The following IGSF10 variants were observed in gnomAD, a reference collection of about 807,000 sequenced individuals.
IGSF10 encodes calvaria mechanical force protein 608.
IGSF10 carries 126 observed loss-of-function variants against 128.2 expected under a neutral mutation model. The observed-to-expected ratio is 0.98, with a 90% CI of 0.85 to 1.14. The LOEUF (loss-of-function observed/expected upper bound fraction) is 1.14. IGSF10 is among the 50% of genes most tolerant of loss of function. The pLI, the probability that IGSF10 is intolerant of heterozygous loss-of-function variation, is 0.00. For synonymous variants in IGSF10, 1,185 were observed against 1,146.2 expected, an observed-to-expected ratio of 1.03 and a Z score of -0.68; for missense variants, 3,295 against 3,149.8, an observed-to-expected ratio of 1.05 and a Z score of -1.10.
the IGSF10 span, among the ~76,000 whole-genome samples, chr3:151,466,268 G>A: frequency 1.3e-4 from 20 of 152,158 alleles, no homozygotes; most frequent in South Asian, 3.3e-3. Context: ...AGCCCATTGT[G>A]CTCACTGTTC....
chr3:151,606,252 C>A, the IGSF10 span, among the ~76,000 whole-genome samples: 2,658 of 152,208 alleles, frequency 0.017, 27 homozygotes, highest in Non-Finnish European at 0.028. Context: ...ATTAATGTTT[C>A]TGGAATGTAG....
the IGSF10 span, among the ~76,000 whole-genome samples, chr3:151,560,181 G>A: frequency 6.6e-6 from 1 of 152,048 alleles, no homozygotes; most frequent in Non-Finnish European, 1.5e-5. Context: ...TTGCCCTTTT[G>A]TAAAGAAAAT....
intron 5 of IGSF10, among the ~76,000 whole-genome samples, chr3:151,450,622 C>T (rs935666046): frequency 6.6e-6 from 1 of 152,036 alleles, no homozygotes; most frequent in African/African-American, 2.4e-5. Flanking sequence ...CCTGGCTGGC[C>T]GCAATCGCTC....
chr3:151,507,324 A>G, the IGSF10 span, among the ~76,000 whole-genome samples: 1 of 152,122 alleles, frequency 6.6e-6, no homozygotes, highest in Non-Finnish European at 1.5e-5. Flanking sequence ...TTACTGGGGG[A>G]AGACATTAAG....
chr3:151,469,975 C>T, the IGSF10 span, among the ~76,000 whole-genome samples: 1 of 152,184 alleles, frequency 6.6e-6, no homozygotes, highest in Non-Finnish European at 1.5e-5. Context: ...CAAGTGTTCA[C>T]AATAATAGAT....
In IGSF10 at chr3:151,447,134, AT is replaced by A. The variant is rs768423565; in HGVS notation, c.2846del (p.Asn949IlefsTer10). 3.7e-6 allele frequency: 6 copies of A among 1,614,138 alleles called. No homozygotes were observed. The highest frequency in any genetic ancestry group is 5.1e-6 in the Non-Finnish European group (6 of 1,180,012). ...CAGATGTCTGATGACTATTTGTGGTATTTACTGACTCTAATAATAGTTTGTT... is the reference window on the plus strand; with the variant it reads ...CAGATGTCTGATGACTATTTGTGGTATTACTGACTCTAATAATAGTTTGTT... ...TTNKLLLESVNTTNSHQTSVR... is the reference protein window; with the variant it reads ...TTNKLLLESVXTTNSHQTSVR... On this transcript the variant is annotated frameshift_variant, in exon 6 of 8. Transcript: ENST00000282466. LOFTEE classifies it high-confidence loss of function.
chr3:151,449,028 A>G lies in IGSF10; in HGVS notation c.953T>C (p.Leu318Ser). ...ATTTCCAGACTGATCTGTCATATTC[A>G]AAGTGAGGGAGCCAAAGGGTGCCAT... is the stretch of plus-strand genomic sequence containing the variant. ...GFMAPFGSLT[L>S]NMTDQSGNEA... The change falls in exon 6 of 8, where the codon TTG (leucine) becomes TCG (serine). Residue 318 changes from leucine to serine, a missense_variant. Leu to Ser is a moderately radical substitution (Grantham distance 145, BLOSUM62 -2). Transcript: ENST00000282466. The G allele has an allele frequency of 1.2e-6, 2 of 1,614,238 alleles. No individual in the cohort carries two copies. Among genetic ancestry groups the G allele is most frequent in the South Asian group, 1.1e-5 (1 of 91,078 alleles).
At chr3:151,522,426 T>C in the IGSF10 span, among the ~76,000 whole-genome samples, 1 of 152,060 alleles carries the variant, frequency 6.6e-6, no homozygotes, top group Non-Finnish European at 1.5e-5. Context: ...TTGATGAACA[T>C]CAATGCAAAA....
At position 151,448,401 on chromosome 3, in the gene IGSF10, C is replaced by T. The variant is rs370594099; in HGVS notation, c.1580G>A (p.Arg527Gln). ...TTTTCCACTTTTGTCTATTAGGATC[C>T]GTCCATCCTCACTGACATAAGGGGC... Reference protein sequence around the residue: ...VRAPYVSEDGRILIDKSGKLE... With the variant: ...VRAPYVSEDGQILIDKSGKLE... The change falls in exon 6 of 8, where the codon CGG (arginine) becomes CAG (glutamine). Residue 527 changes from arginine (R) to glutamine (Q), a missense_variant. By Grantham distance (43) the Arg-to-Gln change is conservative (BLOSUM62 1). Coordinates refer to ENST00000282466, the MANE Select transcript of IGSF10 (RefSeq NM_178822.5). 12 of 1,614,058 alleles carry T rather than the reference C, an allele frequency of 7.4e-6. No homozygotes were observed. Among genetic ancestry groups the T allele is most frequent in the Non-Finnish European group, 1.0e-5 (12 of 1,180,040 alleles).
chr3:151,619,665 A>G, the IGSF10 span, among the ~76,000 whole-genome samples: 1 of 152,176 alleles, frequency 6.6e-6, no homozygotes, highest in Non-Finnish European at 1.5e-5. Context: ...GTATCCTGGA[A>G]AAGCTTATTT....
chr3:151,510,849 G>T, the IGSF10 span, among the ~76,000 whole-genome samples: 1 of 151,560 alleles, frequency 6.6e-6, no homozygotes. Context: ...CGATCAACTG[G>T]AAGAAAGGGT....
In IGSF10 at chr3:151,441,083, G is replaced by C. The variant is rs1377744394; in HGVS notation, c.5963+1901C>G. On this transcript the variant is annotated intron_variant, in intron 7 of 7. Coordinates refer to ENST00000282466, the MANE Select transcript of IGSF10 (RefSeq NM_178822.5). ...GATTGCTTATTAAAACAAAATCAGA[G>C]CTCCTGATTCAACAAATTCCCAGAC... 2.0e-5 allele frequency among the ~76,000 whole-genome samples: 3 copies of C among 152,156 alleles called. No individual in the cohort carries two copies. The East Asian group carries it at 5.8e-4, about 29-fold the overall frequency.
the IGSF10 span, among the ~76,000 whole-genome samples, chr3:151,561,494 C>T: frequency 1.3e-5 from 2 of 152,062 alleles, no homozygotes; most frequent in Admixed American, 6.6e-5. Context: ...AATTGCTCAT[C>T]GATGCAAAAT....
At chr3:151,551,894 T>C in the IGSF10 span, among the ~76,000 whole-genome samples, 1 of 152,208 alleles carries the variant, frequency 6.6e-6, no homozygotes, top group Non-Finnish European at 1.5e-5. Flanking sequence ...TAGCTGTGAT[T>C]CAAACAAGTT....
chr3:151,487,173 C>A, the IGSF10 span, among the ~76,000 whole-genome samples: 12 of 152,156 alleles, frequency 7.9e-5, no homozygotes, highest in Non-Finnish European at 1.6e-4. Flanking sequence ...CACAGAAATA[C>A]AAACTACCAA....
chr3:151,471,267 T>G, the IGSF10 span, among the ~76,000 whole-genome samples: 1 of 152,194 alleles, frequency 6.6e-6, no homozygotes, highest in African/African-American at 2.4e-5. Context: ...AAAAACCTCT[T>G]TCCTTCATAA....
the IGSF10 span, among the ~76,000 whole-genome samples, chr3:151,519,905 G>C: frequency 6.6e-6 from 1 of 151,684 alleles, no homozygotes; most frequent in Non-Finnish European, 1.5e-5. Context: ...CTAATATATT[G>C]ATTTTGTTAT....
At chr3:151,483,508 G>A in the IGSF10 span, among the ~76,000 whole-genome samples, 1 of 152,106 alleles carries the variant, frequency 6.6e-6, no homozygotes. Context: ...AAGAAAAGAG[G>A]GGGGATTGCT....
the IGSF10 span, among the ~76,000 whole-genome samples, chr3:151,503,350 G>A: frequency 1.3e-5 from 2 of 151,886 alleles, no homozygotes; most frequent in Non-Finnish European, 2.9e-5. Context: ...TAAGTTAACT[G>A]CAAGTATTAC....
Sources: gnomAD v4.1 joint callset for allele counts (sites outside exome capture counted in the v4.1 genomes callset) on GRCh38, gnomAD v4.1.1 for gene constraint, MANE v1.5 for transcripts, NCBI Gene and HGNC (gene_info 2026-07-23, HGNC 2026-07-21) for gene names.